Variants in DICER1 observed in about 807,000 individuals in gnomAD.
DICER1 encodes the protein endoribonuclease Dicer.
A neutral mutation model predicts 194.1 loss-of-function variants in DICER1; 43 were observed. That is an observed-to-expected ratio of 0.22 (90% CI 0.17 to 0.29). DICER1 has a LOEUF of 0.29. DICER1 is among the 10% of genes least tolerant of loss of function. The pLI is 1.00. For synonymous variants in DICER1, 832 were observed against 820.5 expected (o/e 1.01, Z -0.24); for missense variants, 1,608 against 2,317.0 (o/e 0.69, Z 6.28).
chr14:95,125,223 CT>C (rs1893303829), intron 7 of DICER1, among the ~76,000 whole-genome samples: 1 of 151,966 alleles, frequency 6.6e-6, no homozygotes, highest in Admixed American at 6.6e-5. Context: ...TTCTTTCTTT[CT>C]TTCTAAACAG....
rs999778406 is a variant in DICER1, at chr14:95,105,513, A to G, written c.3093+165T>C. On this transcript the variant is annotated intron_variant, in intron 19 of 26. Coordinates refer to ENST00000343455, the MANE Select transcript of DICER1 (RefSeq NM_177438.3). The surrounding 1 kb of genome is among the most constrained non-coding windows in gnomAD (Gnocchi z 4.9). ...AGAACATTCAAATAACATTCAACACATAATACTAATTAAAACAAAACAAAA... is the reference window on the plus strand; with the variant it reads ...AGAACATTCAAATAACATTCAACACGTAATACTAATTAAAACAAAACAAAA... Among the ~76,000 whole-genome samples, 3 of 152,232 alleles carry G rather than the reference A, an allele frequency of 2.0e-5. No homozygotes were observed. Among genetic ancestry groups the G allele is most frequent in the African/African-American group, 7.2e-5 (3 of 41,464 alleles).
At chr14:95,092,206 T>C (rs1186135547) in intron 24 of DICER1, among the ~76,000 whole-genome samples, 1 of 152,216 alleles carries the variant, frequency 6.6e-6, no homozygotes, top group Admixed American at 6.5e-5. Flanking sequence ...CACAATATAT[T>C]ATACGTGAAA....
intron 10 of DICER1, 129 bp from the exon 11 acceptor site, chr14:95,115,950 C>CA (rs1196914374): frequency 2.3e-6 from 2 of 886,794 alleles, no homozygotes; most frequent in African/African-American, 3.3e-5. Context: ...TTCAGTACTC[C>CA]AAAGTAACCT....
In DICER1 at chr14:95,099,762, AC is replaced by A. The variant is rs746189044; in HGVS notation, c.4206+17del. On this transcript the variant is annotated intron_variant, in intron 22 of 26. Transcript: ENST00000343455. ...CACACACACACACACACACACACAC[AC>A]ACACACACAAACTTACCATTTCATC... is the stretch of plus-strand genomic sequence containing the variant. 6,718 of 1,220,014 alleles carry A rather than the reference AC, an allele frequency of 5.5e-3. 74 individuals carry two copies. Among genetic ancestry groups the A allele is most frequent in the African/African-American group, 0.02 (1,294 of 64,950 alleles). The allele number at this position is 1,220,014 out of a possible 1,614,324, so 75.6% of individuals were successfully genotyped here. A position where few individuals can be genotyped will look rare whatever the true frequency, so the allele number is the denominator to read the frequency against.
At chr14:95,154,955 A>G (rs540299473) in intron 1 of DICER1, among the ~76,000 whole-genome samples, 6 of 152,208 alleles carry the variant, frequency 3.9e-5, no homozygotes, top group African/African-American at 1.4e-4. Flanking sequence ...CATTCATTCC[A>G]CAAGTCTTAA....
At chr14:95,110,248 T>C (rs1193907377) in intron 14 of DICER1, among the ~76,000 whole-genome samples, 1 of 152,196 alleles carries the variant, frequency 6.6e-6, no homozygotes, top group Non-Finnish European at 1.5e-5. Flanking sequence ...ACAAGGAAGA[T>C]GATTATTCAC....
Position 95,088,871 on chromosome 14 carries a change from A to G in DICER1, c.*1627T>C, listed in dbSNP as rs1426620321. On this transcript the variant is annotated 3_prime_UTR_variant, in exon 27 of 27. Transcript: ENST00000343455. ...TACATATAAATGCAGCATTCCACGA[A>G]GCATCAAGTTCAGAATCATGTGCTG... is the stretch of plus-strand genomic sequence containing the variant. 8.6e-6 allele frequency: 2 copies of G among 233,470 alleles called. No homozygotes were observed. The highest frequency in any genetic ancestry group is 8.5e-6 in the Non-Finnish European group (1 of 118,000). The allele number at this position is 233,470 out of a possible 1,614,324, so 14.5% of individuals were successfully genotyped here.
At chr14:95,147,191 G>A (rs1895192576) in intron 1 of DICER1, among the ~76,000 whole-genome samples, 2 of 152,198 alleles carry the variant, frequency 1.3e-5, no homozygotes, top group Admixed American at 6.5e-5. Flanking sequence ...CCAGCCGTGT[G>A]CAGTGGTTCA....
chr14:95,098,695 A>T (rs776574027), intron 22 of DICER1, among the ~76,000 whole-genome samples: 19 of 152,250 alleles, frequency 1.2e-4, no homozygotes, highest in Non-Finnish European at 2.5e-4. Context: ...CCATTTCTAA[A>T]GTTGAAAATC....
chr14:95,128,086 T>TA (rs1175354863), intron 6 of DICER1, among the ~76,000 whole-genome samples: 19 of 152,260 alleles, frequency 1.2e-4, no homozygotes, highest in African/African-American at 4.6e-4. Flanking sequence ...CATTCATTTC[T>TA]AATATCATTC....
chr14:95,144,320 T>C (rs1023290689), intron 1 of DICER1, among the ~76,000 whole-genome samples: 1 of 152,070 alleles, frequency 6.6e-6, no homozygotes, highest in Admixed American at 6.5e-5. Context: ...CTTTTTTTTT[T>C]CCTTTGTACC....
At chr14:95,156,952 C>T (rs1895924150) in intron 1 of DICER1, among the ~76,000 whole-genome samples, 1 of 152,172 alleles carries the variant, frequency 6.6e-6, no homozygotes, top group Non-Finnish European at 1.5e-5. Context: ...CCCACCACGC[C>T]ACGGCGGCCC....
chr14:95,126,061 C>A (rs1002391125), intron 7 of DICER1, among the ~76,000 whole-genome samples: 2 of 141,338 alleles, frequency 1.4e-5, no homozygotes, highest in African/African-American at 5.8e-5. Context: ...TACTGGAGGG[C>A]TTATCGAAAT....
chr14:95,099,763 C>T lies in DICER1; in HGVS notation c.4206+17G>A, dbSNP rs1234173443. ...ACACACACACACACACACACACACA[C>T]ACACACACAAACTTACCATTTCATC... On this transcript the variant is annotated intron_variant, in intron 22 of 26. Coordinates refer to ENST00000343455, the MANE Select transcript of DICER1 (RefSeq NM_177438.3). 8.7e-7 allele frequency: 1 copy of T among 1,153,430 alleles called. No homozygotes were observed. Among genetic ancestry groups the T allele is most frequent in the Non-Finnish European group, 1.1e-6 (1 of 872,530 alleles). The allele number at this position is 1,153,430 out of a possible 1,614,324, so 71.4% of individuals were successfully genotyped here.
chr14:95,121,382 T>G (rs1398631838), intron 8 of DICER1, among the ~76,000 whole-genome samples: 1 of 152,158 alleles, frequency 6.6e-6, no homozygotes, highest in Non-Finnish European at 1.5e-5. Flanking sequence ...CCAAATAAAG[T>G]CTGGAGTTAA....
At chr14:95,149,760 T>C (rs964154511) in intron 1 of DICER1, among the ~76,000 whole-genome samples, 40 of 152,358 alleles carry the variant, frequency 2.6e-4, no homozygotes, top group Middle Eastern at 3.4e-3. Flanking sequence ...AATTCGATGT[T>C]GAGAATAAGC....
At chr14:95,113,947 A>G (rs1349101128) in intron 11 of DICER1, among the ~76,000 whole-genome samples, 1 of 152,218 alleles carries the variant, frequency 6.6e-6, no homozygotes, top group Non-Finnish European at 1.5e-5. Context: ...GGACAATGGG[A>G]GCCAAATTTC....
intron 22 of DICER1, among the ~76,000 whole-genome samples, chr14:95,098,348 T>C (rs1184212114): frequency 1.3e-5 from 2 of 152,238 alleles, no homozygotes; most frequent in Admixed American, 6.5e-5. Flanking sequence ...TTAAGCCCAT[T>C]TGCTGAAGGG....
In DICER1 at chr14:95,089,374, T is replaced by C. The variant is rs551595785; in HGVS notation, c.*1124A>G. The C allele has an allele frequency of 4.3e-5, 10 of 232,944 alleles. No individual in the cohort carries two copies. The highest frequency in any genetic ancestry group is 7.6e-5 in the Non-Finnish European group (9 of 117,962). 14.4% of individuals were successfully genotyped at this position (232,944 alleles called of 1,614,324 possible). A position where few individuals can be genotyped will look rare whatever the true frequency, so the allele number is the denominator to read the frequency against. On this transcript the variant is annotated 3_prime_UTR_variant, in exon 27 of 27. Coordinates refer to ENST00000343455, the MANE Select transcript of DICER1 (RefSeq NM_177438.3). ...TATGCATGCAACATTATGAAAAGTA[T>C]AGTAAGAAATTTATGTGAGGAGACT...
Sources: gnomAD v4.1 joint callset for allele counts (sites outside exome capture counted in the v4.1 genomes callset) on GRCh38, gnomAD v4.1.1 for gene constraint, Gnocchi (gnomAD v3.1) non-coding constraint, MANE v1.5 for transcripts, NCBI Gene and HGNC (gene_info 2026-07-23, HGNC 2026-07-21) for gene names.